The following CCDC91 variants were observed in gnomAD, a reference collection of about 807,000 sequenced individuals.
The protein encoded by CCDC91 is coiled-coil domain-containing protein 91.
In CCDC91, 48 loss-of-function variants were observed where a neutral mutation model predicts 63.2. The observed-to-expected ratio is 0.76, with a 90% CI of 0.60 to 0.97. The LOEUF (loss-of-function observed/expected upper bound fraction) is 0.97, where lower values mean the gene tolerates loss of function less well. Among genes scored for constraint, CCDC91 ranks in the 50% least tolerant of loss-of-function variants. The pLI is 0.00. For synonymous variants in CCDC91, 167 were observed against 165.8 expected, an observed-to-expected ratio of 1.01 and a Z score of -0.06; for missense variants, 500 against 494.6, an observed-to-expected ratio of 1.01 and a Z score of -0.10.
intron 6 of CCDC91, among the ~76,000 whole-genome samples, chr12:28,326,656 T>A (rs538719675): frequency 3.3e-4 from 49 of 150,614 alleles, no homozygotes; most frequent in African/African-American, 1.1e-3. Flanking sequence ...CAGTGTTTGG[T>A]TTTTGTTTGA....
At chr12:28,412,359 T>C (rs1947368073) in intron 8 of CCDC91, among the ~76,000 whole-genome samples, 1 of 152,186 alleles carries the variant, frequency 6.6e-6, no homozygotes, top group African/African-American at 2.4e-5. Context: ...CCCCAAAATA[T>C]GAAGAATTGT....
chr12:28,231,272 T>G (rs1944579685), intron 1 of CCDC91, among the ~76,000 whole-genome samples: 1 of 152,192 alleles, frequency 6.6e-6, no homozygotes, highest in African/African-American at 2.4e-5. Context: ...GCCAGGTAAA[T>G]TTTTTAAATG....
chr12:28,413,845 A>C (rs778940843), intron 8 of CCDC91, among the ~76,000 whole-genome samples: 16 of 152,364 alleles, frequency 1.1e-4, no homozygotes, highest in Non-Finnish European at 2.4e-4. Context: ...TTTCCTGGAC[A>C]GTAAACAAGG....
chr12:28,240,692 T>C (rs1945272658), intron 1 of CCDC91, among the ~76,000 whole-genome samples: 1 of 152,120 alleles, frequency 6.6e-6, no homozygotes, highest in South Asian at 2.1e-4. Flanking sequence ...CTTGCATGTA[T>C]CGGTAGTTCT....
chr12:28,257,207 A>T lies in CCDC91; in HGVS notation c.-9A>T. 4 of 1,607,056 alleles carry T rather than the reference A, an allele frequency of 2.5e-6. No homozygotes were observed. The highest frequency in any genetic ancestry group is 3.4e-6 in the Non-Finnish European group (4 of 1,173,870). On this transcript the variant is annotated 5_prime_UTR_variant, in exon 2 of 13. Coordinates refer to ENST00000536442, the MANE Select transcript of CCDC91 (RefSeq NM_018318.5). ...CAATATCTTATATTTTTCAGGTGCC[A>T]CTTGAAGAATGGATGATGATGATTT...
chr12:28,536,283 C>A (rs564237088), intron 12 of CCDC91, among the ~76,000 whole-genome samples: 2 of 152,114 alleles, frequency 1.3e-5, no homozygotes, highest in African/African-American at 2.4e-5. Context: ...CATTAACTTA[C>A]GAAATTTCTA....
chr12:28,436,281 A>G (rs1403709860), intron 8 of CCDC91, among the ~76,000 whole-genome samples: 2 of 149,732 alleles, frequency 1.3e-5, no homozygotes, highest in African/African-American at 4.9e-5. Context: ...ATTTCTTTTT[A>G]TGGTTGCCTT....
At chr12:28,251,704 T>C (rs117224646) in intron 1 of CCDC91, among the ~76,000 whole-genome samples, 60 of 152,202 alleles carry the variant, frequency 3.9e-4, no homozygotes, top group South Asian at 1.4e-3. Context: ...ACTCTGAAGT[T>C]TCCCCTAATT....
Position 28,305,741 on chromosome 12 carries a change from A to G in CCDC91, c.202A>G (p.Ile68Val), listed in dbSNP as rs761125912. 4 of 1,613,120 alleles carry G rather than the reference A, an allele frequency of 2.5e-6. No individual in the cohort carries two copies. Among genetic ancestry groups the G allele is most frequent in the South Asian group, 1.1e-5 (1 of 91,042 alleles). Residue 68 changes from isoleucine (I) to valine (V), a missense_variant, in exon 4 of 13, where the codon ATT (isoleucine) becomes GTT (valine). Transcript: ENST00000536442. ...TGGCTGCCTCTCTTCTGATGCCATT[A>G]TTTCATCACCAGAGAATACACATGC... is the stretch of plus-strand genomic sequence containing the variant. Reference protein sequence around the residue: ...SIGCLSSDAIISSPENTHAAN... With the variant: ...SIGCLSSDAIVSSPENTHAAN...
intron 8 of CCDC91, among the ~76,000 whole-genome samples, chr12:28,411,929 C>T (rs1246450012): frequency 6.6e-6 from 1 of 152,142 alleles, no homozygotes; most frequent in Non-Finnish European, 1.5e-5. Flanking sequence ...ACTCCGATAA[C>T]CCAGACACCT....
chr12:28,462,898 G>A (rs542677126), intron 11 of CCDC91, among the ~76,000 whole-genome samples: 1 of 152,248 alleles, frequency 6.6e-6, no homozygotes, highest in South Asian at 2.1e-4. Context: ...GGCTCCTAGA[G>A]ATGATGATAC....
At position 28,306,737 on chromosome 12, in the gene CCDC91, T is replaced by C; in HGVS notation, c.268-5T>C. The C allele has an allele frequency of 1.9e-6, 3 of 1,595,832 alleles. No individual in the cohort carries two copies. In the South Asian group the frequency reaches 3.4e-5, roughly 18 times the overall value. On this transcript the variant is annotated splice_region_variant and splice_polypyrimidine_tract_variant and intron_variant, in intron 4 of 12. Transcript: ENST00000536442. ...CTTGTGTATTTTTTTTTTTATGTGG[T>C]TTAGATTCAGCAATCAACACACACT...
intron 7 of CCDC91, among the ~76,000 whole-genome samples, chr12:28,363,825 C>T (rs1197645510): frequency 2.9e-5 from 4 of 136,386 alleles, no homozygotes; most frequent in South Asian, 2.3e-4. Context: ...TGCAGTGAGC[C>T]GAGATTGCGC....
At chr12:28,303,125 G>C (rs1791265991) in intron 3 of CCDC91, among the ~76,000 whole-genome samples, 2 of 152,086 alleles carry the variant, frequency 1.3e-5, no homozygotes, top group South Asian at 4.1e-4. Flanking sequence ...ACTAAAGAAA[G>C]ATAAGATCAG....
At chr12:28,371,194 C>G (rs4931739) in intron 7 of CCDC91, among the ~76,000 whole-genome samples, 139,232 of 152,128 alleles carry the variant, frequency 0.92, 64,853 homozygotes, top group East Asian at 1. Context: ...GGTACCATTT[C>G]GTGGCCTGTT....
chr12:28,506,440 C>T (rs1938726008), intron 12 of CCDC91, among the ~76,000 whole-genome samples: 1 of 151,942 alleles, frequency 6.6e-6, no homozygotes, highest in Non-Finnish European at 1.5e-5. Context: ...CACATGCTTG[C>T]CTCTTTGCTA....
At chr12:28,435,022 T>C (rs1253309697) in intron 8 of CCDC91, among the ~76,000 whole-genome samples, 1 of 151,724 alleles carries the variant, frequency 6.6e-6, no homozygotes, top group Non-Finnish European at 1.5e-5. Flanking sequence ...CCGTCTCTCT[T>C]TTCCTTGGTT....
intron 6 of CCDC91, among the ~76,000 whole-genome samples, chr12:28,327,229 T>C (rs1941096266): frequency 6.6e-6 from 1 of 152,090 alleles, no homozygotes; most frequent in Non-Finnish European, 1.5e-5. Context: ...CATTTTCTTT[T>C]CTAACAAAGG....
chr12:28,215,726 A>T (rs981884175), intron 1 of CCDC91, among the ~76,000 whole-genome samples: 1 of 152,130 alleles, frequency 6.6e-6, no homozygotes, highest in Non-Finnish European at 1.5e-5. Flanking sequence ...AGAAAGCCAG[A>T]CATAGACAGA....
Sources: gnomAD v4.1 joint callset for allele counts (sites outside exome capture counted in the v4.1 genomes callset) on GRCh38, gnomAD v4.1.1 for gene constraint, MANE v1.5 for transcripts, NCBI Gene and HGNC (gene_info 2026-07-23, HGNC 2026-07-21) for gene names.